The following ITPR2 variants were observed in gnomAD, a reference collection of about 807,000 sequenced individuals.
ITPR2 encodes the protein inositol 1,4,5-trisphosphate-gated calcium channel ITPR2.
A neutral mutation model predicts 317.1 loss-of-function variants in ITPR2; 207 were observed. That is an observed-to-expected ratio of 0.65 (90% confidence interval 0.58 to 0.73). The LOEUF (loss-of-function observed/expected upper bound fraction) is 0.73. Among genes scored for constraint, ITPR2 ranks in the 30% least tolerant of loss-of-function variants. The probability of loss-of-function intolerance (pLI) is 0.00; values close to 1 mark genes in which losing one functional copy is unlikely to be tolerated. For synonymous variants in ITPR2, 1,156 were observed against 1,149.1 expected (o/e 1.01, Z -0.12); for missense variants, 2,613 against 3,284.0 (o/e 0.80, Z 4.99).
intron 32 of ITPR2, among the ~76,000 whole-genome samples, chr12:26,584,550 C>T (rs914269822): frequency 2.0e-5 from 3 of 152,264 alleles, no homozygotes; most frequent in Non-Finnish European, 2.9e-5. Flanking sequence ...CAAGGATGAT[C>T]GTCTATGGTA....
At chr12:26,739,577 T>C (rs2137079130) in intron 2 of ITPR2, among the ~76,000 whole-genome samples, 1 of 152,282 alleles carries the variant, frequency 6.6e-6, no homozygotes, top group East Asian at 1.9e-4. Context: ...CATGAGGCCA[T>C]TTATATGAAT....
intron 2 of ITPR2, among the ~76,000 whole-genome samples, chr12:26,779,721 G>A (rs1229690511): frequency 1.3e-5 from 2 of 152,228 alleles, no homozygotes; most frequent in African/African-American, 4.8e-5. Context: ...GCAGTGAAGG[G>A]AAATCTTCCC....
chr12:26,768,571 T>TAAAAAAA lies in ITPR2; in HGVS notation c.163+21579_163+21585dup, dbSNP rs879291062. Among the ~76,000 whole-genome samples the TAAAAAAA allele has an allele frequency of 6.2e-5, 6 of 96,156 alleles. 2 individuals are homozygous for TAAAAAAA. Among genetic ancestry groups the TAAAAAAA allele is most frequent in the African/African-American group, 3.6e-4 (6 of 16,690 alleles). The allele number at this position is 96,156 out of a possible 152,430, so 63.1% of individuals were successfully genotyped here. ...TCAAATGGATGAATACAAATATATA[T>TAAAAAAA]AAAAAAAAAAAAAAAAAAAAAAAAA... On this transcript the variant is annotated intron_variant, in intron 2 of 56. Transcript: ENST00000381340.
intron 13 of ITPR2, among the ~76,000 whole-genome samples, chr12:26,672,736 T>A (rs1251659508): frequency 6.6e-6 from 1 of 152,030 alleles, no homozygotes; most frequent in Non-Finnish European, 1.5e-5. Flanking sequence ...CAAAAAACCC[T>A]TCAAAAAAAT....
chr12:26,519,514 T>C (rs1943611976), intron 37 of ITPR2, among the ~76,000 whole-genome samples: 1 of 152,248 alleles, frequency 6.6e-6, no homozygotes, highest in East Asian at 1.9e-4. Flanking sequence ...TAGATGCTTC[T>C]TTAACAAAAT....
chr12:26,826,989 G>GA (rs1592164370), intron 1 of ITPR2, among the ~76,000 whole-genome samples: 2 of 152,068 alleles, frequency 1.3e-5, no homozygotes, highest in African/African-American at 2.4e-5. Context: ...TCCTAGTATA[G>GA]AAAAAATGGA....
intron 10 of ITPR2, among the ~76,000 whole-genome samples, chr12:26,687,821 TC>T (rs1461732904): frequency 6.6e-6 from 1 of 152,166 alleles, no homozygotes; most frequent in African/African-American, 2.4e-5. Context: ...ATCTTTGACT[TC>T]TGTGTCTTCC....
At chr12:26,743,039 G>T (rs1949261489) in intron 2 of ITPR2, among the ~76,000 whole-genome samples, 1 of 152,134 alleles carries the variant, frequency 6.6e-6, no homozygotes, top group African/African-American at 2.4e-5. Context: ...ATCTTTTGGA[G>T]GTGATGAAAA....
At chr12:26,781,992 GTATATATATATA>G (rs1161714052) in intron 2 of ITPR2, among the ~76,000 whole-genome samples, 21 of 57,008 alleles carry the variant, frequency 3.7e-4, no homozygotes, top group African/African-American at 9.4e-4. Context: ...AAACTCCCCT[GTATATATATATA>G]TATATATATA....
intron 9 of ITPR2, among the ~76,000 whole-genome samples, chr12:26,703,562 T>C (rs1948494763): frequency 6.6e-6 from 1 of 152,160 alleles, no homozygotes; most frequent in South Asian, 2.1e-4. Flanking sequence ...TGACAATAAA[T>C]AGCAGCTCCC....
chr12:26,586,311 A>AT (rs1199129751), intron 32 of ITPR2, among the ~76,000 whole-genome samples: 7 of 151,802 alleles, frequency 4.6e-5, no homozygotes, highest in Non-Finnish European at 7.4e-5. Context: ...TGCCGAGCTT[A>AT]TTTTTTTGTA....
intron 42 of ITPR2, among the ~76,000 whole-genome samples, chr12:26,483,357 A>T (rs1488864483): frequency 6.6e-6 from 1 of 152,012 alleles, no homozygotes; most frequent in Non-Finnish European, 1.5e-5. Flanking sequence ...AACATATACT[A>T]CTCCTTGTAG....
intron 33 of ITPR2, 105 bp downstream of exon 33, chr12:26,579,922 T>C (rs1945357929): frequency 2.5e-6 from 2 of 806,464 alleles, no homozygotes; most frequent in South Asian, 2.1e-5. Flanking sequence ...AAGAGAAGAA[T>C]AAACATCTGA....
At chr12:26,389,170 C>T (rs1421293973) in intron 54 of ITPR2, among the ~76,000 whole-genome samples, 3 of 152,132 alleles carry the variant, frequency 2.0e-5, no homozygotes, top group African/African-American at 4.8e-5. Context: ...CCATTCTCAA[C>T]ACAGCAGCCA....
At chr12:26,445,379 T>C (rs1332386835) in intron 45 of ITPR2, among the ~76,000 whole-genome samples, 1 of 152,066 alleles carries the variant, frequency 6.6e-6, no homozygotes, top group Non-Finnish European at 1.5e-5. Flanking sequence ...ATATGACTGA[T>C]ATTTAAAATC....
At chr12:26,551,994 G>A (rs745443541) in intron 36 of ITPR2, among the ~76,000 whole-genome samples, 2 of 152,188 alleles carry the variant, frequency 1.3e-5, no homozygotes, top group Admixed American at 6.5e-5. Flanking sequence ...AATGATGGCA[G>A]CGGGAAAGAT....
At chr12:26,811,472 G>C (rs750765153) in intron 1 of ITPR2, among the ~76,000 whole-genome samples, 2 of 149,188 alleles carry the variant, frequency 1.3e-5, no homozygotes, top group Non-Finnish European at 3.0e-5. Context: ...TTGGTTGGGC[G>C]CGGTGGCTCA....
intron 52 of ITPR2, among the ~76,000 whole-genome samples, chr12:26,404,286 A>T (rs552759121): frequency 2.6e-5 from 4 of 152,276 alleles, no homozygotes; most frequent in African/African-American, 9.6e-5. Context: ...GTCCCATTAG[A>T]CCATAGAAAT....
intron 10 of ITPR2, among the ~76,000 whole-genome samples, chr12:26,693,819 T>C (rs1006692423): frequency 7.9e-5 from 12 of 152,236 alleles, no homozygotes; most frequent in Non-Finnish European, 1.8e-4. Flanking sequence ...ATTTGAAATT[T>C]TGATATGATG....
Sources: gnomAD v4.1 joint callset for allele counts (sites outside exome capture counted in the v4.1 genomes callset) on GRCh38, gnomAD v4.1.1 for gene constraint, MANE v1.5 for transcripts, NCBI Gene and HGNC (gene_info 2026-07-23, HGNC 2026-07-21) for gene names.